Variants in PHF20L1 observed in about 807,000 individuals in gnomAD.
PHF20L1 encodes PHD finger protein 20-like protein 1.
Under a neutral mutation model 125.5 loss-of-function variants are expected in PHF20L1, and 44 were observed. The ratio of observed to expected loss-of-function variants is 0.35; its 90% CI spans 0.28 to 0.45. The LOEUF (loss-of-function observed/expected upper bound fraction) is 0.45, where lower values mean the gene tolerates loss of function less well. PHF20L1 is among the 20% of genes least tolerant of loss of function. PHF20L1 has a pLI of 1.00. For synonymous variants in PHF20L1, 380 were observed against 403.1 expected, an observed-to-expected ratio of 0.94 and a Z score of 0.69; for missense variants, 1,012 against 1,217.2, an observed-to-expected ratio of 0.83 and a Z score of 2.51.
chr8:132,800,506 A>AGG, intron 6 of PHF20L1, among the ~76,000 whole-genome samples: 1 of 151,470 alleles, frequency 6.6e-6, no homozygotes, highest in East Asian at 1.9e-4. Context: ...GGCAAAGCTA[A>AGG]GGGGGGCCTA....
intron 10 of PHF20L1, chr8:132,816,531 A>T: frequency 5.5e-6 from 1 of 180,364 alleles, no homozygotes; most frequent in Middle Eastern, 2.4e-3. Flanking sequence ...ATTTTTCCTT[A>T]TCTTTTGCTG....
chr8:132,795,702 C>G (rs983101970), intron 4 of PHF20L1, among the ~76,000 whole-genome samples: 1 of 152,016 alleles, frequency 6.6e-6, no homozygotes, highest in Non-Finnish European at 1.5e-5. Context: ...TTCCAAGACC[C>G]CCAGTGGGTA....
chr8:132,827,618 A>C (rs1836329508), intron 14 of PHF20L1, among the ~76,000 whole-genome samples: 1 of 152,062 alleles, frequency 6.6e-6, no homozygotes, highest in Non-Finnish European at 1.5e-5. Flanking sequence ...CTAGAGCTTA[A>C]GAGAAGGCAG....
In PHF20L1 at chr8:132,794,551, A is replaced by G; in HGVS notation, c.225A>G (p.Lys75=). 2 of 1,611,162 alleles carry G rather than the reference A, an allele frequency of 1.2e-6. No homozygotes were observed. Among genetic ancestry groups the G allele is most frequent in the Non-Finnish European group, 1.7e-6 (2 of 1,178,720 alleles). Residue 75 remains lysine, a synonymous_variant, in exon 3 of 21, where the codon AAA becomes AAG. Transcript: ENST00000395386. The part of the protein sequence containing the change: ...LRPLERPALR[K]EGLKDEEDFF... ...CCCTTGAGAGACCAGCACTAAGAAA[A>G]GAAGGGCTAAAAGATGAGGAAGATT...
At chr8:132,798,637 A>G (rs1162848275) in intron 4 of PHF20L1, 135 bp from the exon 5 acceptor site, 1 of 496,116 alleles carries the variant, frequency 2.0e-6, no homozygotes, top group East Asian at 3.2e-5. Context: ...AACTTGATGG[A>G]GTCCTTAACA....
intron 8 of PHF20L1, chr8:132,807,823 C>T: frequency 2.2e-6 from 1 of 451,494 alleles, no homozygotes; most frequent in Non-Finnish European, 4.4e-6. Flanking sequence ...CTTCTTTTAC[C>T]TAAGTTTAAA....
At position 132,817,065 on chromosome 8, in the gene PHF20L1, C is replaced by T; in HGVS notation, c.1361C>T (p.Ser454Leu). ...AGTTCTCAAAATCAGCAAGAATCTT[C>T]AGTACCAGAGGGTAATGTATATTGA... ...SISSQNQQES[S>L]VPEVPDVAHL... The change falls in exon 11 of 21, where the codon TCA (serine) becomes TTA (leucine). Residue 454 changes from serine to leucine, a missense_variant. Physicochemically the swap from Ser to Leu is moderately radical, Grantham distance 145 (BLOSUM62 -2). This residue lies in a region of PHF20L1 where 320 missense variants were observed against 293.8 expected (regional missense o/e 1.09). Transcript: ENST00000395386. The T allele has an allele frequency of 1.3e-6, 2 of 1,570,938 alleles. No individual in the cohort carries two copies. Among genetic ancestry groups the T allele is most frequent in the Non-Finnish European group, 1.7e-6 (2 of 1,156,842 alleles).
At chr8:132,844,819 T>C (rs968969584) in intron 20 of PHF20L1, among the ~76,000 whole-genome samples, 15 of 152,138 alleles carry the variant, frequency 9.9e-5, no homozygotes, top group African/African-American at 3.6e-4. Flanking sequence ...GCAAGAAAGA[T>C]ACTATCACTA....
intron 2 of PHF20L1, among the ~76,000 whole-genome samples, 173 bp from the exon 3 acceptor site, chr8:132,794,237 T>A (rs141411361): frequency 5.3e-4 from 81 of 152,292 alleles, no homozygotes; most frequent in African/African-American, 1.8e-3. Flanking sequence ...TTGAGGACGA[T>A]CATTTATAAA....
rs148216909 is a variant in PHF20L1 at position 132,817,779 on chromosome 8, A to G, written c.1579+234A>G. ...GCTGCTTAACCTTGTCACTTGATCTATTTCCTTCTCCCTGCTTCTTTTTTA... is the reference window on the plus strand; with the variant it reads ...GCTGCTTAACCTTGTCACTTGATCTGTTTCCTTCTCCCTGCTTCTTTTTTA... On this transcript the variant is annotated intron_variant, in intron 12 of 20. Coordinates refer to ENST00000395386, the MANE Select transcript of PHF20L1 (RefSeq NM_016018.5). 613 of 410,866 alleles carry G rather than the reference A, an allele frequency of 1.5e-3. 9 individuals carry two copies. The highest frequency in any genetic ancestry group is 0.013 in the Admixed American group (328 of 24,420). The allele number at this position is 410,866 out of a possible 1,614,324, so 25.5% of individuals were successfully genotyped here.
intron 9 of PHF20L1, chr8:132,811,904 G>T (rs935417303): frequency 2.0e-6 from 2 of 977,158 alleles, no homozygotes; most frequent in Non-Finnish European, 2.4e-6. Context: ...TTCTTTATTA[G>T]TAGCCTAATA....
At chr8:132,833,854 A>G (rs1410491366) in intron 15 of PHF20L1, among the ~76,000 whole-genome samples, 1 of 152,146 alleles carries the variant, frequency 6.6e-6, no homozygotes, top group African/African-American at 2.4e-5. Context: ...GCCTTAGGCC[A>G]GAAATTCTCA....
At chr8:132,824,439 T>C (rs945328611) in intron 13 of PHF20L1, 107 of 159,332 alleles carry the variant, frequency 6.7e-4, no homozygotes, top group Middle Eastern at 3.2e-3. Flanking sequence ...AAAAATGTTA[T>C]TGAGTTTTCT....
chr8:132,837,983 C>G, intron 17 of PHF20L1, 172 bp downstream of exon 17: 2 of 566,228 alleles, frequency 3.5e-6, no homozygotes, highest in Non-Finnish European at 6.5e-6. Context: ...GCCATAGGAA[C>G]TTAACTTGTA....
Position 132,816,699 on chromosome 8 carries a change from A to G in PHF20L1, c.1184-189A>G, listed in dbSNP as rs149508696. On this transcript the variant is annotated intron_variant, in intron 10 of 20. Coordinates refer to ENST00000395386, the MANE Select transcript of PHF20L1 (RefSeq NM_016018.5). ...TAGAGTGTAGATTTTACAATTTTTG[A>G]TTGACTCATTTTGAATGAGGGCACA... is the stretch of plus-strand genomic sequence containing the variant. 7.7e-4 allele frequency: 360 copies of G among 468,520 alleles called. 2 individuals carry two copies. The highest frequency in any genetic ancestry group is 6.3e-3 in the African/African-American group (307 of 48,684). 29.0% of individuals were successfully genotyped at this position (468,520 alleles called of 1,614,324 possible).
At chr8:132,817,191 T>C (rs540417665) in intron 11 of PHF20L1, 115 bp downstream of exon 11, 7 of 900,006 alleles carry the variant, frequency 7.8e-6, no homozygotes, top group African/African-American at 6.8e-5. Context: ...TCTGGAGTTA[T>C]AAGCACTTCA....
chr8:132,821,549 A>G (rs1462966986), intron 12 of PHF20L1, among the ~76,000 whole-genome samples: 1 of 151,998 alleles, frequency 6.6e-6, no homozygotes, highest in African/African-American at 2.4e-5. Context: ...GTTCAAAACA[A>G]AACTACAGCT....
intron 8 of PHF20L1, chr8:132,810,794 G>A: frequency 2.5e-6 from 1 of 404,926 alleles, no homozygotes; most frequent in South Asian, 2.5e-5. Flanking sequence ...GTGTGCAAGT[G>A]TGTGTTTTCA....
intron 8 of PHF20L1, among the ~76,000 whole-genome samples, chr8:132,806,115 A>G (rs1365874188): frequency 6.6e-6 from 1 of 151,938 alleles, no homozygotes; most frequent in Non-Finnish European, 1.5e-5. Flanking sequence ...GAAGACGGAG[A>G]TGACACTGAC....
Sources: gnomAD v4.1 joint callset for allele counts (sites outside exome capture counted in the v4.1 genomes callset) on GRCh38, gnomAD v4.1.1 for gene constraint, gnomAD v4.1.1 regional missense constraint, MANE v1.5 for transcripts, NCBI Gene and HGNC (gene_info 2026-07-23, HGNC 2026-07-21) for gene names.